The following USP54 variants were observed in gnomAD, a reference collection of about 807,000 sequenced individuals.
The protein encoded by USP54 is ubiquitin specific peptidase 54.
A neutral mutation model predicts 170.5 loss-of-function variants in USP54; 87 were observed. That is an observed-to-expected ratio of 0.51 (90% CI 0.43 to 0.61). The LOEUF (loss-of-function observed/expected upper bound fraction) is 0.61. Ranked by LOEUF, USP54 falls within the 20% of genes least tolerant of loss-of-function variation. The pLI is 0.00. For synonymous variants in USP54, 655 were observed against 742.8 expected (o/e 0.88, Z 1.92); for missense variants, 1,786 against 2,047.8 (o/e 0.87, Z 2.47).
At chr10:73,563,978 A>C (rs998438637) in intron 4 of USP54, among the ~76,000 whole-genome samples, 2 of 151,176 alleles carry the variant, frequency 1.3e-5, no homozygotes, top group African/African-American at 4.9e-5. Context: ...ATACTCTCTC[A>C]TATGTTCTTC....
At chr10:73,612,644 C>G (rs193151833) in intron 1 of USP54, among the ~76,000 whole-genome samples, 2 of 152,142 alleles carry the variant, frequency 1.3e-5, no homozygotes, top group African/African-American at 4.8e-5. Flanking sequence ...GAGATCAAGA[C>G]TAGCCTGGCC....
intron 4 of USP54, among the ~76,000 whole-genome samples, chr10:73,546,380 C>A (rs2067824991): frequency 6.6e-6 from 1 of 151,930 alleles, no homozygotes; most frequent in African/African-American, 2.4e-5. Flanking sequence ...TGAACAGGGT[C>A]TTGCTTTGTC....
chr10:73,618,491 C>T lies in USP54; in HGVS notation c.-18+7076G>A, dbSNP rs761208684. On this transcript the variant is annotated intron_variant, in intron 1 of 22. Transcript: ENST00000339859. ...GGCACAGGGGCTCACGCCTGTAATC[C>T]CAGCACTTTGGGAGGATGAGGCGGG... Among the ~76,000 whole-genome samples the T allele has an allele frequency of 2.2e-4, 33 of 150,422 alleles. 1 individual carries two copies. The highest frequency in any genetic ancestry group is 3.8e-4 in the Non-Finnish European group (26 of 68,018).
At position 73,625,025 on chromosome 10, in the gene USP54, T is replaced by G. The variant is rs76471169; in HGVS notation, c.-18+542A>C. ...TTTGCGGAAGGTTTAAGTGTCGTAT[T>G]GCACATTTTTTCACCATACCATCTA... On this transcript the variant is annotated intron_variant, in intron 1 of 22. Transcript: ENST00000339859. Among the ~76,000 whole-genome samples the G allele has an allele frequency of 3.8e-4, 58 of 152,330 alleles. No individual in the cohort carries two copies. The East Asian group carries it at 0.011, about 28-fold the overall frequency.
At chr10:73,580,880 C>T (rs746770010) in intron 1 of USP54, among the ~76,000 whole-genome samples, 8 of 152,142 alleles carry the variant, frequency 5.3e-5, no homozygotes, top group Non-Finnish European at 7.4e-5. Flanking sequence ...TGCCTGGCAT[C>T]TATTATATTT....
At chr10:73,509,738 T>C (rs1292509775) in intron 20 of USP54, among the ~76,000 whole-genome samples, 1 of 152,218 alleles carries the variant, frequency 6.6e-6, no homozygotes, top group Non-Finnish European at 1.5e-5. Flanking sequence ...CTGGGCATCG[T>C]AGCTCATGCC....
chr10:73,516,370 C>T lies in USP54; in HGVS notation c.4051+5G>A. Reference sequence around the variant, plus strand: ...CCTCCCCCCAACCCCTGGTTGCATTCTTACCTGTTTGGCTAAGTGGGTGCC... The same window carrying T: ...CCTCCCCCCAACCCCTGGTTGCATTTTTACCTGTTTGGCTAAGTGGGTGCC... On this transcript the variant is annotated splice_donor_5th_base_variant and intron_variant, in intron 20 of 23. Coordinates refer to ENST00000687698, the MANE Select transcript of USP54 (RefSeq NM_001391956.1). The T allele has an allele frequency of 1.3e-6, 2 of 1,599,282 alleles. No individual in the cohort carries two copies. The highest frequency in any genetic ancestry group is 1.7e-6 in the Non-Finnish European group (2 of 1,173,008).
chr10:73,502,515 G>T (rs1041875493), intron 22 of USP54, among the ~76,000 whole-genome samples: 3 of 151,696 alleles, frequency 2.0e-5, no homozygotes, highest in Non-Finnish European at 4.4e-5. Flanking sequence ...GCATTTCACT[G>T]TGTTAGCCAG....
intron 12 of USP54, among the ~76,000 whole-genome samples, chr10:73,532,493 T>G (rs887409934): frequency 6.6e-6 from 1 of 152,138 alleles, no homozygotes; most frequent in Non-Finnish European, 1.5e-5. Context: ...GTCTTACAAA[T>G]GTTAAACCAA....
chr10:73,607,746 G>T (rs536991111), intron 1 of USP54, among the ~76,000 whole-genome samples: 1 of 151,024 alleles, frequency 6.6e-6, no homozygotes, highest in South Asian at 2.1e-4. Flanking sequence ...CACGAGAATT[G>T]CTTGAACCCG....
intron 20 of USP54, among the ~76,000 whole-genome samples, chr10:73,510,284 G>A (rs538049424): frequency 2.6e-5 from 4 of 151,914 alleles, no homozygotes; most frequent in South Asian, 2.1e-4. Flanking sequence ...GCAGTGAGCC[G>A]AGACTGCACC....
chr10:73,530,050 G>T, intron 14 of USP54, 93 bp downstream of exon 14: 1 of 1,512,102 alleles, frequency 6.6e-7, no homozygotes, highest in East Asian at 2.3e-5. Context: ...GAGTAAAAGT[G>T]CCCCTTGCCA....
At chr10:73,586,200 C>A (rs2077465408) in intron 1 of USP54, among the ~76,000 whole-genome samples, 1 of 152,130 alleles carries the variant, frequency 6.6e-6, no homozygotes, top group Non-Finnish European at 1.5e-5. Flanking sequence ...ACACTAGACT[C>A]CTTTCTTTAT....
At position 73,575,666 on chromosome 10, in the gene USP54, C is replaced by T; in HGVS notation, c.-8G>A. The T allele has an allele frequency of 6.4e-7, 1 of 1,556,656 alleles. No homozygotes were observed. The stretch of plus-strand genomic sequence containing the variant: ...ATTTCTCTTCCAAGACATTATTGTT[C>T]ACATTTAGCCTGAAAAAAAAATGGA... On this transcript the variant is annotated 5_prime_UTR_variant, in exon 3 of 24. An upstream open reading frame in the 5' UTR loses its in-frame stop. Transcript: ENST00000687698.
At position 73,530,737 on chromosome 10, in the gene USP54, C is replaced by G. The variant is rs369153358; in HGVS notation, c.1414G>C (p.Asp472His). The change falls in exon 13 of 24, where the codon GAT (aspartate) becomes CAT (histidine). Residue 472 changes from aspartate to histidine, a missense_variant. Coordinates refer to ENST00000687698, the MANE Select transcript of USP54 (RefSeq NM_001391956.1). ...TGGTATCCCGAGGCCTGGGGCTCAT[C>G]GCCTTTCCTCCTAACCCGACCAGAG... ...RSSGRVRRKGDEPQASGYHSE... is the reference protein window; with the variant it reads ...RSSGRVRRKGHEPQASGYHSE... 5 of 1,614,182 alleles carry G rather than the reference C, an allele frequency of 3.1e-6. No homozygotes were observed. The highest frequency in any genetic ancestry group is 4.2e-6 in the Non-Finnish European group (5 of 1,180,030).
At chr10:73,595,634 T>G (rs912356505), upstream of USP54, among the ~76,000 whole-genome samples, 2 of 152,216 alleles carry the variant, frequency 1.3e-5, no homozygotes, top group African/African-American at 2.4e-5. Flanking sequence ...TTTATTTAAC[T>G]ATATCTTGCA....
At chr10:73,572,171 T>C (rs2075316843) in intron 3 of USP54, among the ~76,000 whole-genome samples, 1 of 152,014 alleles carries the variant, frequency 6.6e-6, no homozygotes, top group Admixed American at 6.6e-5. Flanking sequence ...CAAATTCCAA[T>C]AGGGGAAGGG....
intron 12 of USP54, among the ~76,000 whole-genome samples, chr10:73,531,067 G>A (rs2063866890): frequency 6.6e-6 from 1 of 152,090 alleles, no homozygotes; most frequent in Non-Finnish European, 1.5e-5. Context: ...GGAGGCTAAG[G>A]CGGGCAGATC....
At chr10:73,538,940 G>T (rs955234858) in intron 10 of USP54, among the ~76,000 whole-genome samples, 54 of 152,184 alleles carry the variant, frequency 3.5e-4, no homozygotes, top group African/African-American at 1.3e-3. Context: ...ATCTTCAGGG[G>T]AAGACAAAAT....
Sources: allele counts gnomAD v4.1 joint callset (sites outside exome capture counted in the v4.1 genomes callset), GRCh38; gene constraint gnomAD v4.1.1; transcripts MANE v1.5; gene names NCBI Gene and HGNC (gene_info 2026-07-23, HGNC 2026-07-21).